The following SLC4A7 variants were observed in gnomAD, a reference collection of about 807,000 sequenced individuals.
SLC4A7 encodes solute carrier family 4 member 7.
Under a neutral mutation model 137.6 loss-of-function variants are expected in SLC4A7, and 51 were observed. The observed-to-expected ratio is 0.37, with a 90% CI of 0.30 to 0.47. SLC4A7 has a LOEUF of 0.47. Ranked by LOEUF, SLC4A7 falls within the 20% of genes least tolerant of loss-of-function variation. The probability of loss-of-function intolerance (pLI) is 1.00; values close to 1 mark genes in which losing one functional copy is unlikely to be tolerated. For missense variants in SLC4A7, 1,247 were observed against 1,525.4 expected (o/e 0.82, Z 3.04); for synonymous variants, 542 against 518.6 (o/e 1.05, Z -0.61).
intron 7 of SLC4A7, among the ~76,000 whole-genome samples, chr3:27,425,314 G>A (rs1206689449): frequency 1.4e-5 from 2 of 143,990 alleles, no homozygotes; most frequent in African/African-American, 5.2e-5. Context: ...AGGTTGCAGT[G>A]AGCCAAGATT....
chr3:27,405,026 T>C (rs2150170604), intron 13 of SLC4A7, 63 bp from the exon 14 acceptor site: 4 of 1,152,432 alleles, frequency 3.5e-6, no homozygotes, highest in Middle Eastern at 2.1e-4. Context: ...TAACGTACTA[T>C]AATACATGTA....
chr3:27,443,447 CT>C (rs1010581129), intron 3 of SLC4A7, among the ~76,000 whole-genome samples: 1 of 151,764 alleles, frequency 6.6e-6, no homozygotes, highest in Non-Finnish European at 1.5e-5. Flanking sequence ...TTTTAATAAT[CT>C]TTTTTCAACG....
At chr3:27,470,596 A>G (rs1234330782) in intron 1 of SLC4A7, among the ~76,000 whole-genome samples, 1 of 151,458 alleles carries the variant, frequency 6.6e-6, no homozygotes. Context: ...TTTTAAGAAA[A>G]GGAATAAAAG....
Position 27,420,711 on chromosome 3 carries a change from T to TG in SLC4A7, c.1500dup (p.Met501HisfsTer4). 6.2e-7 allele frequency: 1 copy of TG among 1,610,264 alleles called. No individual in the cohort carries two copies. The highest frequency in any genetic ancestry group is 8.5e-7 in the Non-Finnish European group (1 of 1,176,576). On this transcript the variant is annotated frameshift_variant, in exon 10 of 26. Coordinates refer to ENST00000454389, the MANE Select transcript of SLC4A7 (RefSeq NM_001321103.2). LOFTEE classifies it high-confidence loss of function. ...AGTATTCTGATTACCTCATCTGTCA[T>TG]GAGAGTGGCTATTGATCGTCCAATT...
rs1036703108 is a variant in SLC4A7, at chr3:27,376,251, G to A, written c.*513C>T. 6.6e-6 allele frequency: 1 copy of A among 152,090 alleles called. No individual in the cohort carries two copies. 9.4% of individuals were successfully genotyped at this position (152,090 alleles called of 1,614,324 possible). On this transcript the variant is annotated 3_prime_UTR_variant, in exon 26 of 26. Transcript: ENST00000454389. ...TATGGCTAAGAAAACGCCAGTTAGT[G>A]AAACACGATGGACATCTACAGAAAT... is the stretch of plus-strand genomic sequence containing the variant.
rs1453400527 is a variant in SLC4A7, at chr3:27,456,976, T to C, written c.61-4478A>G. On this transcript the variant is annotated intron_variant, in intron 1 of 25. Coordinates refer to ENST00000454389, the MANE Select transcript of SLC4A7 (RefSeq NM_001321103.2). Reference sequence around the variant, plus strand: ...GCAATCCGTTTTCAACTGAAACCTTTCTGCAATGTTAGTACAAAGAGTGCA... The same window carrying C: ...GCAATCCGTTTTCAACTGAAACCTTCCTGCAATGTTAGTACAAAGAGTGCA... 10 of 976,074 alleles carry C rather than the reference T, an allele frequency of 1.0e-5. No homozygotes were observed. In the Admixed American group the frequency reaches 2.5e-4, roughly 24 times the overall value. 60.5% of individuals were successfully genotyped at this position (976,074 alleles called of 1,614,324 possible). A position where few individuals can be genotyped will look rare whatever the true frequency, so the allele number is the denominator to read the frequency against.
chr3:27,406,746 A>G (rs1044514419), intron 13 of SLC4A7, among the ~76,000 whole-genome samples: 10 of 152,250 alleles, frequency 6.6e-5, no homozygotes, highest in African/African-American at 2.2e-4. Context: ...CCTGGGCAAC[A>G]TGGCAAAAGC....
rs138971615 is a variant in SLC4A7, at chr3:27,457,950, A to C, written c.61-5452T>G. Among the ~76,000 whole-genome samples the C allele has an allele frequency of 5.8e-3, 876 of 152,208 alleles. 6 individuals carry two copies. Among genetic ancestry groups the C allele is most frequent in the Middle Eastern group, 0.031 (9 of 294 alleles). On this transcript the variant is annotated intron_variant, in intron 1 of 25. Transcript: ENST00000454389. ...AGTTCACTTCATTCATTTTTGACAA[A>C]ATATCTGTCAAATGCCCAAGTATGA...
At chr3:27,442,288 T>C (rs1216236421) in intron 3 of SLC4A7, among the ~76,000 whole-genome samples, 1 of 152,190 alleles carries the variant, frequency 6.6e-6, no homozygotes, top group East Asian at 1.9e-4. Flanking sequence ...ATAGATCTTG[T>C]ATATCTTTAG....
At chr3:27,463,529 A>G (rs541600524) in intron 1 of SLC4A7, among the ~76,000 whole-genome samples, 1 of 151,902 alleles carries the variant, frequency 6.6e-6, no homozygotes, top group Non-Finnish European at 1.5e-5. Flanking sequence ...AACAAGAGCG[A>G]AACTCCACCT....
intron 16 of SLC4A7, 77 bp from the exon 17 acceptor site, chr3:27,398,430 C>A: frequency 7.9e-7 from 1 of 1,265,286 alleles, no homozygotes; most frequent in Non-Finnish European, 1.1e-6. Context: ...TTCATTGACT[C>A]GTAAGATGCA....
rs2049906482 is a variant in SLC4A7 at position 27,376,523 on chromosome 3, A to G, written c.*241T>C. ...CACATCCTTCTATTGCAAAACAGAA[A>G]ATTTTTTTTTCTAACAGAATAAATA... On this transcript the variant is annotated 3_prime_UTR_variant, in exon 26 of 26. Coordinates refer to ENST00000454389, the MANE Select transcript of SLC4A7 (RefSeq NM_001321103.2). The G allele has an allele frequency of 2.1e-5, 6 of 283,086 alleles. No homozygotes were observed. The East Asian group carries it at 3.6e-4, about 17-fold the overall frequency. The allele number at this position is 283,086 out of a possible 1,614,324, so 17.5% of individuals were successfully genotyped here.
intron 1 of SLC4A7, among the ~76,000 whole-genome samples, chr3:27,455,570 ATTTTTTTTTT>A (rs780026916): frequency 8.0e-6 from 1 of 125,362 alleles, no homozygotes; most frequent in South Asian, 2.6e-4. Context: ...GCATAACTAA[ATTTTTTTTTT>A]TTTTTTTTTT....
chr3:27,374,584 C>A lies in SLC4A7; in HGVS notation c.*2180G>T, dbSNP rs2049776019. The A allele has an allele frequency of 6.6e-6, 1 of 152,400 alleles. No homozygotes were observed. Among genetic ancestry groups the A allele is most frequent in the Non-Finnish European group, 1.5e-5 (1 of 67,892 alleles). The allele number at this position is 152,400 out of a possible 1,614,324, so 9.4% of individuals were successfully genotyped here. A position where few individuals can be genotyped will look rare whatever the true frequency, so the allele number is the denominator to read the frequency against. On this transcript the variant is annotated 3_prime_UTR_variant, in exon 26 of 26. Coordinates refer to ENST00000454389, the MANE Select transcript of SLC4A7 (RefSeq NM_001321103.2). ...CAGATCATTTTGTCAGTCAAGTAGT[C>A]AAAAGAAAGCAGAAACCAGTAACAT...
Position 27,374,769 on chromosome 3 carries a change from T to G in SLC4A7, c.*1995A>C, listed in dbSNP as rs544182804. On this transcript the variant is annotated 3_prime_UTR_variant, in exon 26 of 26. Transcript: ENST00000454389. Reference sequence around the variant, plus strand: ...ATTTCTTCCTGTAAAGTAAGTACAGTTGTTACCCCTGATGTCCAGACACAA... The same window carrying G: ...ATTTCTTCCTGTAAAGTAAGTACAGGTGTTACCCCTGATGTCCAGACACAA... The G allele has an allele frequency of 7.8e-4, 119 of 152,590 alleles. No individual in the cohort carries two copies. The highest frequency in any genetic ancestry group is 2.3e-3 in the African/African-American group (96 of 41,560). The allele number at this position is 152,590 out of a possible 1,614,324, so 9.5% of individuals were successfully genotyped here.
chr3:27,432,907 A>G (rs1245934110), intron 6 of SLC4A7, among the ~76,000 whole-genome samples: 1 of 152,138 alleles, frequency 6.6e-6, no homozygotes, highest in East Asian at 1.9e-4. Context: ...TGCGCTATAC[A>G]TTGGCTTGTT....
Position 27,390,004 on chromosome 3 carries a change from A to G in SLC4A7, c.3287T>C (p.Val1096Ala). The G allele has an allele frequency of 6.2e-7, 1 of 1,613,892 alleles. No homozygotes were observed. The highest frequency in any genetic ancestry group is 8.5e-7 in the Non-Finnish European group (1 of 1,179,796). Residue 1096 changes from valine (V) to alanine (A), a missense_variant, in exon 22 of 26, where the codon GTC becomes GCC. Val to Ala is a moderately conservative substitution (Grantham distance 64). This residue lies in a region of SLC4A7 where 290 missense variants were observed against 323.8 expected (regional missense o/e 0.90). Transcript: ENST00000454389. ...VPLWKVHIFT[V>A]IQLTCLVLLW... ...AAGGACCAAACAAGTAAGCTGAATG[A>G]CTGTGAAAATATGGACCTTCCAGAG...
rs71087607 is a variant in SLC4A7 at position 27,445,763 on chromosome 3, CAA to C, written c.289+2886_289+2887del. On this transcript the variant is annotated intron_variant, in intron 3 of 25. Coordinates refer to ENST00000454389, the MANE Select transcript of SLC4A7 (RefSeq NM_001321103.2). ...TGAAATCCTGTCTCTACTAAAAATACAAAAAAAAAAAAAAAAAAATTAGCCGT... is the reference window on the plus strand; with the variant it reads ...TGAAATCCTGTCTCTACTAAAAATACAAAAAAAAAAAAAAAAATTAGCCGT... Among the ~76,000 whole-genome samples, 289 of 99,600 alleles carry C rather than the reference CAA, an allele frequency of 2.9e-3. 1 individual carries two copies. The highest frequency in any genetic ancestry group is 9.4e-3 in the African/African-American group (233 of 24,888). 65.3% of individuals were successfully genotyped at this position (99,600 alleles called of 152,430 possible).
intron 20 of SLC4A7, among the ~76,000 whole-genome samples, chr3:27,392,937 A>C (rs1365035117): frequency 6.6e-6 from 1 of 152,222 alleles, no homozygotes; most frequent in African/African-American, 2.4e-5. Context: ...AATAATTTTC[A>C]TAAGACTGAA....
Sources: allele counts gnomAD v4.1 joint callset (sites outside exome capture counted in the v4.1 genomes callset), GRCh38; gene constraint gnomAD v4.1.1; regional missense constraint gnomAD v4.1.1; transcripts MANE v1.5; gene names NCBI Gene and HGNC (gene_info 2026-07-23, HGNC 2026-07-21).